EXOC4: variants seen among roughly 807,000 people sequenced by gnomAD.
The protein encoded by EXOC4 is SEC8-like 1.
A neutral mutation model predicts 107.2 loss-of-function variants in EXOC4; 71 were observed. That is an observed-to-expected ratio of 0.66 (90% CI 0.55 to 0.81). The LOEUF is 0.81. Among genes scored for constraint, EXOC4 ranks in the 30% least tolerant of loss-of-function variants. EXOC4 has a pLI of 0.00. For missense variants in EXOC4, 1,108 were observed against 1,189.6 expected (o/e 0.93, Z 1.01); for synonymous variants, 456 against 441.2 (o/e 1.03, Z -0.42).
intron 6 of EXOC4, among the ~76,000 whole-genome samples, chr7:133,367,746 T>C (rs1233605723): frequency 6.6e-6 from 1 of 152,182 alleles, no homozygotes; most frequent in Non-Finnish European, 1.5e-5. Flanking sequence ...GTACCTTCCT[T>C]ATAGGGCTGC....
At chr7:133,458,976 T>C (rs1223036045) in intron 7 of EXOC4, among the ~76,000 whole-genome samples, 1 of 150,750 alleles carries the variant, frequency 6.6e-6, no homozygotes, top group Non-Finnish European at 1.5e-5. Flanking sequence ...GATTAACAAC[T>C]TTTAAAGTTC....
At chr7:133,775,544 T>A (rs1385736430) in intron 10 of EXOC4, among the ~76,000 whole-genome samples, 1 of 152,198 alleles carries the variant, frequency 6.6e-6, no homozygotes, top group Non-Finnish European at 1.5e-5. Flanking sequence ...GCCAAATATA[T>A]AACAGGTGCA....
intron 9 of EXOC4, among the ~76,000 whole-genome samples, chr7:133,541,692 A>G (rs747016843): frequency 6.6e-6 from 1 of 151,626 alleles, no homozygotes; most frequent in Non-Finnish European, 1.5e-5. Context: ...TTTTGTAGAC[A>G]TGGGGGTCTT....
At chr7:133,775,092 A>T (rs1057097081) in intron 10 of EXOC4, among the ~76,000 whole-genome samples, 6 of 152,164 alleles carry the variant, frequency 3.9e-5, no homozygotes, top group African/African-American at 1.4e-4. Flanking sequence ...GCAGTTTTTC[A>T]AAAAGGTAGA....
At chr7:133,968,263 A>T (rs9656430) in intron 14 of EXOC4, among the ~76,000 whole-genome samples, 106,086 of 151,880 alleles carry the variant, frequency 0.7, 37,460 homozygotes, top group East Asian at 0.91. Flanking sequence ...TCTCCTGAAT[A>T]CAGCACACCA....
intron 7 of EXOC4, among the ~76,000 whole-genome samples, chr7:133,388,024 T>G (rs1481401247): frequency 6.6e-6 from 1 of 151,982 alleles, no homozygotes; most frequent in Non-Finnish European, 1.5e-5. Flanking sequence ...AAAAAAAGAT[T>G]GAATACTTTT....
intron 9 of EXOC4, among the ~76,000 whole-genome samples, chr7:133,554,361 T>C (rs949136387): frequency 3.3e-5 from 5 of 152,294 alleles, no homozygotes; most frequent in South Asian, 4.1e-4. Context: ...GTTCCTAAGC[T>C]CTTTACACTA....
intron 7 of EXOC4, chr7:133,396,335 C>T (rs1796970819): frequency 6.6e-6 from 1 of 152,150 alleles, no homozygotes; most frequent in Non-Finnish European, 1.5e-5. Flanking sequence ...TTATTTCCTT[C>T]CACCCTCATA....
intron 14 of EXOC4, among the ~76,000 whole-genome samples, chr7:133,984,125 C>G (rs1046726801): frequency 9.9e-5 from 15 of 152,190 alleles, no homozygotes; most frequent in African/African-American, 2.9e-4. Flanking sequence ...GACCCCAAAG[C>G]TAAACGTCCT....
In EXOC4 at chr7:133,390,172, A is replaced by G. The variant is rs144609942; in HGVS notation, c.1182+15170A>G. On this transcript the variant is annotated intron_variant, in intron 7 of 17. Coordinates refer to ENST00000253861, the MANE Select transcript of EXOC4 (RefSeq NM_021807.4). ...TTAGGGATTCTCTGTCTGCCTGGGA[A>G]TAGCTGAAGCCATACAAATGGACCA... Among the ~76,000 whole-genome samples the G allele has an allele frequency of 6.3e-3, 962 of 152,280 alleles. 10 individuals are homozygous for G. Among genetic ancestry groups the G allele is most frequent in the African/African-American group, 0.022 (918 of 41,548 alleles).
chr7:133,929,399 A>G (rs753213667), intron 13 of EXOC4, among the ~76,000 whole-genome samples: 1 of 152,084 alleles, frequency 6.6e-6, no homozygotes, highest in African/African-American at 2.4e-5. Context: ...AATTCTCCAC[A>G]CATCCTCAAA....
At chr7:134,097,761 C>T in the EXOC4 span, among the ~76,000 whole-genome samples, 1 of 152,304 alleles carries the variant, frequency 6.6e-6, no homozygotes, top group African/African-American at 2.4e-5. Context: ...TTATTTCAGC[C>T]TCCCTAGGGA....
chr7:134,084,481 GA>G, the EXOC4 span, among the ~76,000 whole-genome samples: 3 of 152,158 alleles, frequency 2.0e-5, no homozygotes, highest in African/African-American at 7.2e-5. Flanking sequence ...ACCTCGCTGA[GA>G]AAGCTGATCA....
rs1298229744 is a variant in EXOC4, at chr7:133,787,969, A to T, written c.1515-29356A>T. 4.8e-3 allele frequency among the ~76,000 whole-genome samples: 106 copies of T among 21,858 alleles called. 1 individual carries two copies. Among genetic ancestry groups the T allele is most frequent in the African/African-American group, 0.017 (96 of 5,694 alleles). The allele number at this position is 21,858 out of a possible 152,430, so 14.3% of individuals were successfully genotyped here. ...TGTGCATATATTTATATATTTATAT[A>T]TATATATATATATATATATATATAT... On this transcript the variant is annotated intron_variant, in intron 10 of 17. Transcript: ENST00000253861.
intron 13 of EXOC4, among the ~76,000 whole-genome samples, chr7:133,923,125 A>G (rs1203815649): frequency 1.4e-5 from 2 of 140,744 alleles, no homozygotes; most frequent in African/African-American, 5.5e-5. Flanking sequence ...GTAAGAGTTT[A>G]CACTTTTTTT....
intron 10 of EXOC4, among the ~76,000 whole-genome samples, chr7:133,660,368 C>T (rs1342431500): frequency 1.3e-5 from 2 of 152,088 alleles, no homozygotes; most frequent in Non-Finnish European, 2.9e-5. Context: ...ATTGTTGAGG[C>T]ATAAATAGCT....
intron 10 of EXOC4, among the ~76,000 whole-genome samples, chr7:133,723,476 T>C (rs1290668211): frequency 2.0e-5 from 2 of 98,724 alleles, no homozygotes; most frequent in African/African-American, 7.8e-5. Context: ...GAACATCTTT[T>C]TTTTTCTTTC....
intron 10 of EXOC4, among the ~76,000 whole-genome samples, chr7:133,638,689 T>C (rs961768563): frequency 2.6e-5 from 4 of 152,134 alleles, no homozygotes; most frequent in Non-Finnish European, 4.4e-5. Flanking sequence ...TACGTACGAG[T>C]ATAACTTAAC....
rs1424046526 is a variant in EXOC4 at position 133,571,629 on chromosome 7, G to A, written c.1418-58416G>A. Among the ~76,000 whole-genome samples, 4 of 151,388 alleles carry A rather than the reference G, an allele frequency of 2.6e-5. 1 individual carries two copies. Among genetic ancestry groups the A allele is most frequent in the South Asian group, 2.1e-4 (1 of 4,790 alleles). On this transcript the variant is annotated intron_variant, in intron 9 of 17. Coordinates refer to ENST00000253861, the MANE Select transcript of EXOC4 (RefSeq NM_021807.4). The stretch of plus-strand genomic sequence containing the variant: ...GTCAGCGGTTGCAGTGAGCCAAGAT[G>A]GCACCACTGCATGCCAGCCTGGATG...
Sources: allele counts gnomAD v4.1 joint callset (sites outside exome capture counted in the v4.1 genomes callset), GRCh38; gene constraint gnomAD v4.1.1; transcripts MANE v1.5; gene names NCBI Gene and HGNC (gene_info 2026-07-23, HGNC 2026-07-21).